The following ABCD2 variants were observed in gnomAD, a reference collection of about 807,000 sequenced individuals.
ABCD2 encodes the protein ATP-binding cassette sub-family D member 2.
In ABCD2, 36 loss-of-function variants were observed where a neutral mutation model predicts 70.9. The observed-to-expected ratio is 0.51, with a 90% confidence interval of 0.39 to 0.67. The LOEUF is 0.67. Ranked by LOEUF, ABCD2 falls within the 30% of genes least tolerant of loss-of-function variation. ABCD2 has a pLI of 0.00. For synonymous variants in ABCD2, 304 were observed against 306.9 expected (o/e 0.99, Z 0.10); for missense variants, 729 against 890.2 (o/e 0.82, Z 2.30).
At chr12:39,615,241 C>A (rs1022194358) in intron 2 of ABCD2, among the ~76,000 whole-genome samples, 2 of 151,722 alleles carry the variant, frequency 1.3e-5, no homozygotes, top group Admixed American at 6.6e-5. Flanking sequence ...CACTGACTAA[C>A]AAAACTACAT....
At chr12:39,561,709 T>C (rs1020318215) in intron 9 of ABCD2, among the ~76,000 whole-genome samples, 18 of 152,076 alleles carry the variant, frequency 1.2e-4, no homozygotes, top group Non-Finnish European at 2.4e-4. Flanking sequence ...AATCAAATAC[T>C]CCTAGATCTG....
intron 2 of ABCD2, among the ~76,000 whole-genome samples, chr12:39,615,853 G>T (rs932216676): frequency 1.4e-4 from 22 of 151,956 alleles, no homozygotes; most frequent in African/African-American, 5.1e-4. Context: ...ATAAAACAGT[G>T]CAGATTCTGT....
chr12:39,599,073 T>G (rs182883803), intron 6 of ABCD2, among the ~76,000 whole-genome samples: 85 of 152,320 alleles, frequency 5.6e-4, no homozygotes, highest in African/African-American at 1.9e-3. Flanking sequence ...TGCAGTTGGT[T>G]TTTTTGCTTA....
At chr12:39,576,929 G>C (rs530196128) in intron 8 of ABCD2, among the ~76,000 whole-genome samples, 2 of 151,966 alleles carry the variant, frequency 1.3e-5, no homozygotes, top group South Asian at 4.2e-4. Flanking sequence ...ATAAGCCCTG[G>C]TTAACTATTA....
At chr12:39,589,556 T>A (rs1037123793) in intron 6 of ABCD2, among the ~76,000 whole-genome samples, 4 of 151,858 alleles carry the variant, frequency 2.6e-5, no homozygotes, top group Admixed American at 2.6e-4. Context: ...CCTGGCTAAT[T>A]TTTTGTATTT....
chr12:39,538,198 C>G, the ABCD2 span, among the ~76,000 whole-genome samples: 1 of 137,816 alleles, frequency 7.3e-6, no homozygotes, highest in South Asian at 2.4e-4. Flanking sequence ...GAGGTGGAGT[C>G]TCGCTGTGTC....
At chr12:39,597,642 C>A (rs1200229657) in intron 6 of ABCD2, among the ~76,000 whole-genome samples, 3 of 152,140 alleles carry the variant, frequency 2.0e-5, no homozygotes, top group Non-Finnish European at 4.4e-5. Flanking sequence ...GGCTCAGAAA[C>A]TCAAACAGCC....
intron 6 of ABCD2, among the ~76,000 whole-genome samples, chr12:39,599,496 G>C (rs551103282): frequency 1.3e-5 from 2 of 152,290 alleles, no homozygotes; most frequent in South Asian, 4.1e-4. Flanking sequence ...GTCACAAAAT[G>C]TTATCTATTT....
rs1941956280 is a variant in ABCD2 at position 39,605,403 on chromosome 12, A to G, written c.1237-473T>C. On this transcript the variant is annotated intron_variant, in intron 3 of 9. Transcript: ENST00000308666. ...CCAAATTGATTGTCAAAATTCCTCT[A>G]TTTGGCAGGATACCAATATTGAGAG... Among the ~76,000 whole-genome samples, 5 of 152,118 alleles carry G rather than the reference A, an allele frequency of 3.3e-5. No individual in the cohort carries two copies. In the South Asian group the frequency reaches 1.0e-3, roughly 31 times the overall value.
intron 9 of ABCD2, among the ~76,000 whole-genome samples, chr12:39,554,621 A>G (rs2120519301): frequency 6.6e-6 from 1 of 152,350 alleles, no homozygotes; most frequent in South Asian, 2.1e-4. Context: ...GTTTAAAAAC[A>G]TTTTAAAAAA....
chr12:39,563,607 G>A (rs920854688), intron 9 of ABCD2, among the ~76,000 whole-genome samples: 6 of 152,004 alleles, frequency 3.9e-5, no homozygotes, highest in Non-Finnish European at 5.9e-5. Flanking sequence ...AATTGTTCCT[G>A]GCTGCAGATA....
intron 1 of ABCD2, 117 bp from the exon 2 acceptor site, chr12:39,617,285 G>T (rs1160968682): frequency 3.6e-6 from 2 of 562,950 alleles, no homozygotes. Context: ...ATTAATACCA[G>T]TATTAGTTAT....
downstream of ABCD2, chr12:39,550,032 C>T (rs548419203): frequency 2.0e-5 from 3 of 151,772 alleles, no homozygotes; most frequent in African/African-American, 7.2e-5. Context: ...TCACAAGCAT[C>T]TTCGGACAGG....
In ABCD2 at chr12:39,558,259, G is replaced by T. The variant is rs546347789; in HGVS notation, c.2004-4128C>A. ...TAGCCCCTTCTTTTTGGCCAATTTG[G>T]AATGGGTGTATTTGCCCATTTCATG... is the stretch of plus-strand genomic sequence containing the variant. On this transcript the variant is annotated intron_variant, in intron 9 of 9. Coordinates refer to ENST00000308666, the MANE Select transcript of ABCD2 (RefSeq NM_005164.4). Among the ~76,000 whole-genome samples, 12 of 152,312 alleles carry T rather than the reference G, an allele frequency of 7.9e-5. No homozygotes were observed. The South Asian group carries it at 2.5e-3, about 32-fold the overall frequency.
At chr12:39,558,478 G>A (rs1415767273) in intron 9 of ABCD2, among the ~76,000 whole-genome samples, 1 of 152,202 alleles carries the variant, frequency 6.6e-6, no homozygotes, top group Non-Finnish European at 1.5e-5. Context: ...ATCTTGAATT[G>A]TATTCCCCAA....
At chr12:39,588,705 C>T (rs1941701005) in intron 6 of ABCD2, among the ~76,000 whole-genome samples, 1 of 151,810 alleles carries the variant, frequency 6.6e-6, no homozygotes, top group Admixed American at 6.6e-5. Context: ...AGTTTATAAC[C>T]TGAATCACAT....
intron 2 of ABCD2, among the ~76,000 whole-genome samples, chr12:39,615,315 C>G (rs927079969): frequency 6.6e-6 from 1 of 151,536 alleles, no homozygotes; most frequent in Non-Finnish European, 1.5e-5. Context: ...AAATGAGTAT[C>G]GTTATTTTAA....
the ABCD2 span, among the ~76,000 whole-genome samples, chr12:39,541,609 T>C: frequency 6.6e-6 from 1 of 152,184 alleles, no homozygotes; most frequent in Non-Finnish European, 1.5e-5. Flanking sequence ...AGGATTAGAT[T>C]TGCAGTGGGA....
At chr12:39,560,955 C>G (rs1198412596) in intron 9 of ABCD2, among the ~76,000 whole-genome samples, 1 of 152,044 alleles carries the variant, frequency 6.6e-6, no homozygotes, top group African/African-American at 2.4e-5. Flanking sequence ...AAGAAAATCA[C>G]TTACCCACAA....
Sources: gnomAD v4.1 joint callset for allele counts (sites outside exome capture counted in the v4.1 genomes callset) on GRCh38, gnomAD v4.1.1 for gene constraint, MANE v1.5 for transcripts, NCBI Gene and HGNC (gene_info 2026-07-23, HGNC 2026-07-21) for gene names.